EVI5: variants seen among roughly 807,000 people sequenced by gnomAD.
EVI5 encodes ecotropic viral integration site 5.
EVI5 carries 73 observed loss-of-function variants against 112.0 expected under a neutral mutation model. The observed-to-expected ratio is 0.65, with a 90% CI of 0.54 to 0.79. The LOEUF (loss-of-function observed/expected upper bound fraction) is 0.79, where lower values mean the gene tolerates loss of function less well. EVI5 is among the 30% of genes least tolerant of loss of function. The probability of loss-of-function intolerance (pLI) is 0.00; values close to 1 mark genes in which losing one functional copy is unlikely to be tolerated. For synonymous variants in EVI5, 305 were observed against 319.9 expected (o/e 0.95, Z 0.50); for missense variants, 900 against 968.8 (o/e 0.93, Z 0.94).
intron 9 of EVI5, among the ~76,000 whole-genome samples, chr1:92,678,618 A>G (rs1372447628): frequency 1.3e-5 from 2 of 152,180 alleles, no homozygotes; most frequent in Admixed American, 6.5e-5. Flanking sequence ...GAGGAGAGTA[A>G]GCACGATATG....
At position 92,509,925 on chromosome 1, in the gene EVI5, A is replaced by C. The variant is rs1195000983; in HGVS notation, c.*3731T>G. ...CAAATATCACAAAATGTCAGTAATT[A>C]AATAAAATTCATCGAGAACATTGTT... On this transcript the variant is annotated 3_prime_UTR_variant, in exon 20 of 20. Coordinates refer to ENST00000684568, the MANE Select transcript of EVI5 (RefSeq NM_001350197.2). 6.6e-6 allele frequency: 1 copy of C among 152,196 alleles called. No homozygotes were observed. The highest frequency in any genetic ancestry group is 1.5e-5 in the Non-Finnish European group (1 of 68,040). 9.4% of individuals were successfully genotyped at this position (152,196 alleles called of 1,614,324 possible). A position where few individuals can be genotyped will look rare whatever the true frequency, so the allele number is the denominator to read the frequency against.
At position 92,512,646 on chromosome 1, in the gene EVI5, C is replaced by T. The variant is rs552802932; in HGVS notation, c.*1010G>A. 1 of 152,178 alleles carries T rather than the reference C, an allele frequency of 6.6e-6. No homozygotes were observed. The highest frequency in any genetic ancestry group is 1.5e-5 in the Non-Finnish European group (1 of 68,030). 9.4% of individuals were successfully genotyped at this position (152,178 alleles called of 1,614,324 possible). A position where few individuals can be genotyped will look rare whatever the true frequency, so the allele number is the denominator to read the frequency against. ...AAACAGTATGTCTGTAGTTAACCTA[C>T]TACTCTAGTAACCAACACATGGAAG... On this transcript the variant is annotated 3_prime_UTR_variant, in exon 20 of 20. Transcript: ENST00000684568.
At chr1:92,709,243 T>C (rs1672477146) in intron 2 of EVI5, among the ~76,000 whole-genome samples, 2 of 152,194 alleles carry the variant, frequency 1.3e-5, no homozygotes, top group Non-Finnish European at 2.9e-5. Flanking sequence ...ATAGAAACTT[T>C]CTAAGTCTTA....
At chr1:92,637,124 T>G (rs961756190) in intron 13 of EVI5, among the ~76,000 whole-genome samples, 85 of 152,280 alleles carry the variant, frequency 5.6e-4, no homozygotes, top group African/African-American at 2.0e-3. Context: ...ATGCATGGTT[T>G]CCCAGCACTT....
chr1:92,539,056 G>T (rs974487846), intron 19 of EVI5, among the ~76,000 whole-genome samples: 1 of 152,180 alleles, frequency 6.6e-6, no homozygotes, highest in Non-Finnish European at 1.5e-5. Context: ...ATATCACACT[G>T]TGACTACATA....
At chr1:92,773,629 A>G (rs1412354114) in intron 1 of EVI5, among the ~76,000 whole-genome samples, 2 of 152,144 alleles carry the variant, frequency 1.3e-5, no homozygotes, top group African/African-American at 4.8e-5. Context: ...GAAACAGGGC[A>G]AGACCTCATC....
At chr1:92,574,548 G>A (rs1670765199) in intron 18 of EVI5, among the ~76,000 whole-genome samples, 1 of 152,182 alleles carries the variant, frequency 6.6e-6, no homozygotes, top group South Asian at 2.1e-4. Flanking sequence ...CTTTGAGCAA[G>A]TGTTTGGGAT....
intron 18 of EVI5, among the ~76,000 whole-genome samples, chr1:92,601,983 T>C (rs1034460225): frequency 2.0e-5 from 3 of 152,210 alleles, no homozygotes; most frequent in Admixed American, 6.5e-5. Context: ...TTTAAACAAC[T>C]GATTACAAAT....
intron 1 of EVI5, among the ~76,000 whole-genome samples, chr1:92,750,275 C>G (rs573040215): frequency 1.2e-4 from 18 of 152,124 alleles, no homozygotes; most frequent in African/African-American, 4.3e-4. Flanking sequence ...AATCAATGAA[C>G]TAGAAGAGCC....
intron 13 of EVI5, among the ~76,000 whole-genome samples, chr1:92,638,417 A>G (rs1397680467): frequency 2.0e-5 from 3 of 152,174 alleles, no homozygotes; most frequent in Non-Finnish European, 4.4e-5. Flanking sequence ...TGCCACTGAC[A>G]GAGTTTACAG....
chr1:92,673,921 G>A (rs1043012942), intron 10 of EVI5, among the ~76,000 whole-genome samples: 1 of 152,098 alleles, frequency 6.6e-6, no homozygotes, highest in Admixed American at 6.5e-5. Flanking sequence ...AAAAACAACA[G>A]AGACCTTATA....
intron 19 of EVI5, among the ~76,000 whole-genome samples, chr1:92,536,672 G>T (rs534804799): frequency 6.6e-6 from 1 of 152,168 alleles, no homozygotes; most frequent in Non-Finnish European, 1.5e-5. Context: ...AAATAGAGAA[G>T]TGTCATGGTT....
upstream of EVI5, among the ~76,000 whole-genome samples, chr1:92,790,035 G>A (rs1056203682): frequency 1.4e-4 from 21 of 152,168 alleles, no homozygotes; most frequent in African/African-American, 4.8e-4. Context: ...AATTAAGCCA[G>A]GCATGGTGGC....
chr1:92,622,118 T>C (rs973384460), intron 16 of EVI5, among the ~76,000 whole-genome samples: 3 of 65,552 alleles, frequency 4.6e-5, no homozygotes, highest in Admixed American at 2.1e-4. Context: ...AGGCTCCGTC[T>C]AAAAAATAAA....
intron 9 of EVI5, 54 bp from the exon 10 acceptor site, chr1:92,677,272 A>C: frequency 1.0e-6 from 1 of 978,214 alleles, no homozygotes; most frequent in Non-Finnish European, 1.5e-6. Flanking sequence ...AAAAGTAGTT[A>C]TTAAATTACA....
At chr1:92,716,897 C>T (rs1339624214) in intron 2 of EVI5, among the ~76,000 whole-genome samples, 2 of 150,826 alleles carry the variant, frequency 1.3e-5, no homozygotes, top group Admixed American at 1.3e-4. Flanking sequence ...CGCAGCTCCT[C>T]GCCAGCAACG....
At chr1:92,561,653 CTATCTAT>C (rs1668643998) in intron 19 of EVI5, among the ~76,000 whole-genome samples, 1 of 149,252 alleles carries the variant, frequency 6.7e-6, no homozygotes, top group African/African-American at 2.5e-5. Context: ...ATCTATCTAT[CTATCTAT>C]CTATCAGAGT....
At chr1:92,573,323 G>A (rs114635616) in intron 18 of EVI5, among the ~76,000 whole-genome samples, 84 of 152,120 alleles carry the variant, frequency 5.5e-4, no homozygotes, top group Non-Finnish European at 1.1e-3. Flanking sequence ...CATTTGAAGT[G>A]TACTGGTTTG....
intron 9 of EVI5, among the ~76,000 whole-genome samples, chr1:92,692,748 G>T (rs917160502): frequency 2.6e-5 from 4 of 152,144 alleles, no homozygotes; most frequent in Admixed American, 1.3e-4. Flanking sequence ...ACTTTGTGGA[G>T]TAGGAATATC....
Sources: allele counts gnomAD v4.1 joint callset (sites outside exome capture counted in the v4.1 genomes callset), GRCh38; gene constraint gnomAD v4.1.1; transcripts MANE v1.5; gene names NCBI Gene and HGNC (gene_info 2026-07-23, HGNC 2026-07-21).